Variants in ELP4 observed in about 807,000 individuals in gnomAD.
ELP4 encodes elongator complex protein 4.
In ELP4, 51 loss-of-function variants were observed where a neutral mutation model predicts 48.9. The ratio of observed to expected loss-of-function variants is 1.04; its 90% confidence interval spans 0.83 to 1.32. ELP4 has a LOEUF of 1.32. ELP4 is among the 40% of genes most tolerant of loss of function. The probability of loss-of-function intolerance (pLI) is 0.00; values close to 1 mark genes in which losing one functional copy is unlikely to be tolerated. For synonymous variants in ELP4, 210 were observed against 189.2 expected, an observed-to-expected ratio of 1.11 and a Z score of -0.90; for missense variants, 519 against 514.6, an observed-to-expected ratio of 1.01 and a Z score of -0.08.
chr11:31,730,375 A>G (rs545317047), intron 9 of ELP4, among the ~76,000 whole-genome samples: 9 of 152,250 alleles, frequency 5.9e-5, no homozygotes, highest in African/African-American at 9.6e-5. Context: ...TTCAACCTCA[A>G]ATTCCATTCA....
chr11:31,731,542 G>A lies in ELP4; in HGVS notation c.1144-51851G>A, dbSNP rs1034388566. Among the ~76,000 whole-genome samples the A allele has an allele frequency of 2.7e-5, 4 of 147,244 alleles. No homozygotes were observed. In the Admixed American group the frequency reaches 2.8e-4, roughly 10 times the overall value. ...GAAAAAAAGAATGAAGAAAACCTAGGGGACTTATGGTACACCATTAAGCAG... is the reference window on the plus strand; with the variant it reads ...GAAAAAAAGAATGAAGAAAACCTAGAGGACTTATGGTACACCATTAAGCAG... On this transcript the variant is annotated intron_variant, in intron 9 of 9. Transcript: ENST00000640961.
intron 9 of ELP4, among the ~76,000 whole-genome samples, chr11:31,772,991 A>G (rs1233628783): frequency 6.6e-6 from 1 of 152,218 alleles, no homozygotes; most frequent in Non-Finnish European, 1.5e-5. Flanking sequence ...CCCTCTAGGA[A>G]GTTTTTCCTT....
chr11:31,741,464 AC>A (rs1442850355), intron 9 of ELP4, among the ~76,000 whole-genome samples: 1 of 151,902 alleles, frequency 6.6e-6, no homozygotes, highest in African/African-American at 2.4e-5. Context: ...TGGGTCCCTG[AC>A]CCCCGAGTAG....
In ELP4 at chr11:31,509,920, C is replaced by T; in HGVS notation, c.136C>T (p.Leu46=). Residue 46 remains leucine, a synonymous_variant, in exon 1 of 10, where the codon CTG becomes TTG. Coordinates refer to ENST00000640961, the MANE Select transcript of ELP4 (RefSeq NM_019040.5). ...ASVTNDSGPR[L]VSIAGTRPSV... is the part of the protein sequence containing the mutation. ...CGTGACCAACGACAGCGGCCCTCGA[C>T]TGGTGTCCATTGCGGGCACGCGACC... is the stretch of plus-strand genomic sequence containing the variant. 1.1e-5 allele frequency: 18 copies of T among 1,613,996 alleles called. No individual in the cohort carries two copies. The highest frequency in any genetic ancestry group is 1.5e-5 in the Non-Finnish European group (18 of 1,180,030).
Position 31,783,577 on chromosome 11 carries a change from T to A in ELP4, c.*53T>A. 6.6e-7 allele frequency: 1 copy of A among 1,520,196 alleles called. No homozygotes were observed. Among genetic ancestry groups the A allele is most frequent in the East Asian group, 2.3e-5 (1 of 43,656 alleles). 94.2% of individuals were successfully genotyped at this position (1,520,196 alleles called of 1,614,324 possible). A position where few individuals can be genotyped will look rare whatever the true frequency, so the allele number is the denominator to read the frequency against. On this transcript the variant is annotated 3_prime_UTR_variant, in exon 10 of 10. Transcript: ENST00000640961. ...AATTCTATGACACTCTAATTATGAT[T>A]GCTAATAGCTTATGTAAATATTTTT...
intron 9 of ELP4, among the ~76,000 whole-genome samples, chr11:31,692,136 G>A (rs377113251): frequency 1.6e-4 from 25 of 152,258 alleles, no homozygotes; most frequent in African/African-American, 5.8e-4. Context: ...TACTGGAGCT[G>A]CTCTGGTTGA....
intron 1 of ELP4, among the ~76,000 whole-genome samples, chr11:31,518,434 A>G (rs959485110): frequency 7.2e-5 from 11 of 151,838 alleles, no homozygotes; most frequent in Admixed American, 4.6e-4. Flanking sequence ...TTGATTTTTA[A>G]TGATTCACCA....
intron 9 of ELP4, among the ~76,000 whole-genome samples, chr11:31,694,202 A>G (rs1047312605): frequency 2.8e-4 from 42 of 152,128 alleles, no homozygotes; most frequent in Admixed American, 2.4e-3. Context: ...TTTTGTTGCC[A>G]TTGCTTTTGG....
At chr11:31,681,911 T>G (rs2134123999) in intron 9 of ELP4, 1 of 330,158 alleles carries the variant, frequency 3.0e-6, no homozygotes, top group Non-Finnish European at 5.6e-6. Context: ...CAGCTAATTT[T>G]TGTATTTTTA....
chr11:31,763,491 T>C (rs939002258), intron 9 of ELP4: 3 of 1,611,432 alleles, frequency 1.9e-6, no homozygotes, highest in African/African-American at 1.3e-5. Context: ...AGAAAGACTC[T>C]GCATGGGGAG....
intron 7 of ELP4, among the ~76,000 whole-genome samples, chr11:31,638,194 T>C (rs1945021121): frequency 6.6e-6 from 1 of 151,860 alleles, no homozygotes; most frequent in South Asian, 2.1e-4. Flanking sequence ...ACAACAATAA[T>C]GCAAGAATGA....
At chr11:31,524,148 T>A (rs982951903) in intron 2 of ELP4, among the ~76,000 whole-genome samples, 4 of 152,220 alleles carry the variant, frequency 2.6e-5, no homozygotes, top group African/African-American at 4.8e-5. Flanking sequence ...CTTTTTTCTG[T>A]GTAACAATAT....
At chr11:31,674,297 T>A (rs1042109907) in intron 9 of ELP4, among the ~76,000 whole-genome samples, 1 of 152,200 alleles carries the variant, frequency 6.6e-6, no homozygotes, top group African/African-American at 2.4e-5. Context: ...AAAATTTTAT[T>A]TAATAAAGAT....
At chr11:31,775,991 A>C (rs1208316416) in intron 9 of ELP4, among the ~76,000 whole-genome samples, 2 of 151,980 alleles carry the variant, frequency 1.3e-5, no homozygotes, top group Non-Finnish European at 2.9e-5. Flanking sequence ...AAAATTAAAA[A>C]TTAAAAAAAA....
At chr11:31,553,725 A>AACACACACACAC (rs56921821) in intron 3 of ELP4, among the ~76,000 whole-genome samples, 1,940 of 140,454 alleles carry the variant, frequency 0.014, 49 homozygotes, top group African/African-American at 0.044. Flanking sequence ...TGCACACACA[A>AACACACACACAC]ACACACACAC....
Position 31,650,182 on chromosome 11 carries a change from C to G in ELP4, c.1104C>G (p.Asp368Glu). The change falls in exon 9 of 10, where the codon GAC becomes GAG. Residue 368 changes from aspartate to glutamate, a missense_variant. Asp to Glu is a conservative substitution (Grantham distance 45). Coordinates refer to ENST00000640961, the MANE Select transcript of ELP4 (RefSeq NM_019040.5). ...TCTGTGATGAATCAGATGTCAAAGA[C>G]TTAGCTTTTAAATTAAAAAGGAAGC... ...NLICDESDVK[D>E]LAFKLKRKLF... The G allele has an allele frequency of 6.6e-7, 1 of 1,509,150 alleles. No individual in the cohort carries two copies. Among genetic ancestry groups the G allele is most frequent in the South Asian group, 1.2e-5 (1 of 82,860 alleles). The allele number at this position is 1,509,150 out of a possible 1,614,324, so 93.5% of individuals were successfully genotyped here. A position where few individuals can be genotyped will look rare whatever the true frequency, so the allele number is the denominator to read the frequency against.
At chr11:31,618,165 G>A (rs1334592003) in intron 5 of ELP4, among the ~76,000 whole-genome samples, 1 of 152,096 alleles carries the variant, frequency 6.6e-6, no homozygotes, top group African/African-American at 2.4e-5. Flanking sequence ...ATGAAGTACT[G>A]ATACAGGGTA....
chr11:31,776,749 T>C (rs960150077), intron 9 of ELP4, among the ~76,000 whole-genome samples: 1 of 152,178 alleles, frequency 6.6e-6, no homozygotes, highest in African/African-American at 2.4e-5. Flanking sequence ...TTCAAATCAG[T>C]CAGGAAGAAC....
intron 9 of ELP4, among the ~76,000 whole-genome samples, chr11:31,702,179 A>G (rs887885159): frequency 6.6e-6 from 1 of 151,974 alleles, no homozygotes; most frequent in South Asian, 2.1e-4. Context: ...GGTGCCACAC[A>G]CCTGACCCAG....
Sources: allele counts gnomAD v4.1 joint callset (sites outside exome capture counted in the v4.1 genomes callset), GRCh38; gene constraint gnomAD v4.1.1; transcripts MANE v1.5; gene names NCBI Gene and HGNC (gene_info 2026-07-23, HGNC 2026-07-21).